PLCE1: variants seen among roughly 807,000 people sequenced by gnomAD.
PLCE1 encodes the protein phospholipase C epsilon 1, also known as 1-phosphatidylinositol 4,5-bisphosphate phosphodiesterase epsilon-1.
A neutral mutation model predicts 242.8 loss-of-function variants in PLCE1; 119 were observed. That is an observed-to-expected ratio of 0.49 (90% CI 0.42 to 0.57). The LOEUF is 0.57. Among genes scored for constraint, PLCE1 ranks in the 20% least tolerant of loss-of-function variants. The pLI is 0.00. For synonymous variants in PLCE1, 945 were observed against 1,017.4 expected (o/e 0.93, Z 1.35); for missense variants, 2,441 against 2,788.8 (o/e 0.88, Z 2.81).
chr10:94,045,690 T>C (rs927313214), intron 2 of PLCE1, among the ~76,000 whole-genome samples: 4 of 152,218 alleles, frequency 2.6e-5, no homozygotes, highest in Non-Finnish European at 5.9e-5. Context: ...GCCTTTACAG[T>C]TCCTGGGATG....
At chr10:94,220,376 T>TTATATATGTA (rs1554887056) in intron 4 of PLCE1, among the ~76,000 whole-genome samples, 1 of 61,878 alleles carries the variant, frequency 1.6e-5, no homozygotes. Context: ...ACTAAACATT[T>TTATATATGTA]TATATATATA....
intron 14 of PLCE1, among the ~76,000 whole-genome samples, chr10:94,264,990 G>A (rs1324793476): frequency 6.6e-6 from 1 of 152,134 alleles, no homozygotes; most frequent in East Asian, 1.9e-4. Flanking sequence ...GGTTACTCTG[G>A]CCCCATTGTA....
chr10:94,125,069 G>A (rs2046400493), intron 2 of PLCE1, among the ~76,000 whole-genome samples: 1 of 152,170 alleles, frequency 6.6e-6, no homozygotes, highest in East Asian at 1.9e-4. Flanking sequence ...CCAAGTTTTT[G>A]GTGAAGACAT....
chr10:94,190,434 C>G (rs2048623497), intron 4 of PLCE1, among the ~76,000 whole-genome samples: 1 of 152,136 alleles, frequency 6.6e-6, no homozygotes, highest in Non-Finnish European at 1.5e-5. Context: ...AACAGCAAGA[C>G]CTTGTCTCTA....
chr10:94,052,633 T>G (rs184068439), intron 2 of PLCE1, among the ~76,000 whole-genome samples: 18 of 152,356 alleles, frequency 1.2e-4, no homozygotes, highest in Non-Finnish European at 2.2e-4. Context: ...CTTCTTTTCT[T>G]TCTTTCTTTT....
intron 11 of PLCE1, among the ~76,000 whole-genome samples, chr10:94,256,231 A>G (rs985879780): frequency 4.0e-5 from 6 of 149,104 alleles, no homozygotes; most frequent in Admixed American, 2.0e-4. Flanking sequence ...CTGAGGTGTG[A>G]GAGTATCACT....
At chr10:94,280,756 G>T (rs2052178863) in intron 20 of PLCE1, 1 of 152,130 alleles carries the variant, frequency 6.6e-6, no homozygotes, top group African/African-American at 2.4e-5. Flanking sequence ...GCCCAGACCA[G>T]AAACCATTTA....
In PLCE1 at chr10:94,271,593, C is replaced by T. The variant is rs558000934; in HGVS notation, c.4506+991C>T. On this transcript the variant is annotated intron_variant, in intron 18 of 32. Coordinates refer to ENST00000371380, the MANE Select transcript of PLCE1 (RefSeq NM_016341.4). ...CCTCCCAGAGTGCTGGGATTACATA[C>T]GTGAGGCACCGCACCCAGCCAAGAA... Among the ~76,000 whole-genome samples the T allele has an allele frequency of 9.2e-5, 14 of 152,186 alleles. No homozygotes were observed. In the South Asian group the frequency reaches 1.9e-3, roughly 20 times the overall value.
At chr10:94,211,793 C>T (rs984339778) in intron 4 of PLCE1, among the ~76,000 whole-genome samples, 8 of 152,224 alleles carry the variant, frequency 5.3e-5, no homozygotes, top group African/African-American at 1.9e-4. Flanking sequence ...CCACCCCAAG[C>T]GGTTTCTAGA....
chr10:93,999,242 C>T (rs1187076559), intron 1 of PLCE1, among the ~76,000 whole-genome samples: 1 of 152,156 alleles, frequency 6.6e-6, no homozygotes, highest in African/African-American at 2.4e-5. Context: ...TTGTTCTAAG[C>T]AATTTATAGG....
At chr10:94,115,428 G>T (rs1178294261) in intron 2 of PLCE1, among the ~76,000 whole-genome samples, 1 of 152,172 alleles carries the variant, frequency 6.6e-6, no homozygotes, top group Non-Finnish European at 1.5e-5. Context: ...TCCAGCACCT[G>T]TTGTTTCCTG....
At chr10:94,030,152 G>T in intron 1 of PLCE1, among the ~76,000 whole-genome samples, 1 of 152,108 alleles carries the variant, frequency 6.6e-6, no homozygotes, top group South Asian at 2.1e-4. Flanking sequence ...CTTCTGGATT[G>T]CATTGTTTCT....
chr10:94,006,734 A>C (rs895292013), intron 1 of PLCE1, among the ~76,000 whole-genome samples: 4 of 152,256 alleles, frequency 2.6e-5, no homozygotes, highest in Non-Finnish European at 4.4e-5. Context: ...TACTTGGAGA[A>C]GGCATAAAGC....
At chr10:94,226,790 A>G (rs1167352677) in intron 4 of PLCE1, among the ~76,000 whole-genome samples, 1 of 151,406 alleles carries the variant, frequency 6.6e-6, no homozygotes, top group Non-Finnish European at 1.5e-5. Flanking sequence ...TGTTTTAAAG[A>G]AAATAAAGAG....
At chr10:94,150,440 A>G (rs3861986) in intron 3 of PLCE1, among the ~76,000 whole-genome samples, 34,053 of 152,084 alleles carry the variant, frequency 0.22, 4,375 homozygotes, top group African/African-American at 0.35. Flanking sequence ...TAGTAGGTTC[A>G]ATTATTTTAG....
At chr10:94,137,129 C>T (rs969657355) in intron 3 of PLCE1, among the ~76,000 whole-genome samples, 1 of 151,986 alleles carries the variant, frequency 6.6e-6, no homozygotes, top group South Asian at 2.1e-4. Flanking sequence ...GGAGGCAGAG[C>T]TTGCAGTGAG....
chr10:94,162,457 G>A (rs1003619899), intron 3 of PLCE1, among the ~76,000 whole-genome samples: 2 of 152,182 alleles, frequency 1.3e-5, no homozygotes, highest in African/African-American at 4.8e-5. Context: ...GGTGTTTATA[G>A]TATTCTCTGA....
intron 13 of PLCE1, among the ~76,000 whole-genome samples, chr10:94,261,099 C>T (rs907430195): frequency 6.6e-6 from 1 of 152,172 alleles, no homozygotes; most frequent in African/African-American, 2.4e-5. Flanking sequence ...CAGTATCATA[C>T]AGGACAGTTT....
At chr10:94,313,766 C>T (rs1235768679) in intron 28 of PLCE1, among the ~76,000 whole-genome samples, 4 of 152,248 alleles carry the variant, frequency 2.6e-5, no homozygotes, top group African/African-American at 9.6e-5. Context: ...ATTAATCAAT[C>T]AGAATTTGCA....
Sources: gnomAD v4.1 joint callset for allele counts (sites outside exome capture counted in the v4.1 genomes callset) on GRCh38, gnomAD v4.1.1 for gene constraint, MANE v1.5 for transcripts, NCBI Gene and HGNC (gene_info 2026-07-23, HGNC 2026-07-21) for gene names.